The following LRP2BP variants were observed in gnomAD, a reference collection of about 807,000 sequenced individuals.
LRP2BP encodes the protein LRP2 binding protein, also known as LRP2-binding protein.
A neutral mutation model predicts 45.2 loss-of-function variants in LRP2BP; 38 were observed. The ratio of observed to expected loss-of-function variants is 0.84; its 90% CI spans 0.65 to 1.10. The LOEUF is 1.10. LRP2BP is among the 50% of genes least tolerant of loss of function. The pLI, the probability that LRP2BP is intolerant of heterozygous loss-of-function variation, is 0.00. For synonymous variants in LRP2BP, 153 were observed against 153.9 expected (o/e 0.99, Z 0.04); for missense variants, 385 against 418.9 (o/e 0.92, Z 0.71).
chr4:185,368,121 A>T (rs578203037), intron 8 of LRP2BP, among the ~76,000 whole-genome samples: 5 of 152,264 alleles, frequency 3.3e-5, no homozygotes, highest in South Asian at 2.1e-4. Context: ...GAGCTTGCAG[A>T]GAGCCGAGAT....
intron 7 of LRP2BP, 165 bp from the exon 8 acceptor site, chr4:185,370,979 C>G: frequency 1.6e-6 from 1 of 623,286 alleles, no homozygotes; most frequent in Non-Finnish European, 2.7e-6. Context: ...GCACCTCATA[C>G]CAGGAGAAGA....
At chr4:185,394,323 G>C in intron 1 of LRP2BP, among the ~76,000 whole-genome samples, 1 of 141,018 alleles carries the variant, frequency 7.1e-6, no homozygotes. Context: ...ATCTTAGCCT[G>C]AATTGACCAG....
intron 1 of LRP2BP, chr4:185,390,637 GTGAC>G (rs529038377): frequency 2.0e-5 from 3 of 152,168 alleles, no homozygotes; most frequent in Non-Finnish European, 4.4e-5. Flanking sequence ...GTGAGCCCAA[GTGAC>G]TGACATTCTA....
intron 8 of LRP2BP, 25 bp downstream of exon 8, chr4:185,370,615 A>T: frequency 1.2e-6 from 2 of 1,605,352 alleles, no homozygotes; most frequent in Non-Finnish European, 1.7e-6. Flanking sequence ...CTTTGGGTGA[A>T]TTTATATTTT....
intron 1 of LRP2BP, among the ~76,000 whole-genome samples, chr4:185,394,267 A>T (rs939623366): frequency 0.037 from 348 of 9,522 alleles, 1 homozygote; most frequent in African/African-American, 0.068. Flanking sequence ...TCAGAGTTAA[A>T]AAAAAAAAAA....
intron 1 of LRP2BP, chr4:185,390,744 C>T (rs981690913): frequency 5.9e-5 from 9 of 152,268 alleles, no homozygotes; most frequent in African/African-American, 2.2e-4. Flanking sequence ...GACCAAACAG[C>T]TGTGAGAACG....
chr4:185,374,454 C>A lies in LRP2BP; in HGVS notation c.338G>T (p.Gly113Val). The change falls in exon 5 of 9, where the codon GGG (glycine) becomes GTG (valine). Residue 113 changes from glycine to valine, a missense_variant. By Grantham distance (109) the Gly-to-Val change is moderately radical. Coordinates refer to ENST00000505916, the MANE Select transcript of LRP2BP (RefSeq NM_001377440.1). ...GLGTTLDAEK[G>V]VDYMKKILDS... The stretch of plus-strand genomic sequence containing the variant: ...AAGAATTTTCTTCATATAGTCCACC[C>A]CTTTCTCCTTCGACAAAAGAAAGAG... The A allele has an allele frequency of 6.2e-7, 1 of 1,604,854 alleles. No homozygotes were observed.
At chr4:185,397,143 C>A, upstream of LRP2BP, 1 of 1,613,172 alleles carries the variant, frequency 6.2e-7, no homozygotes, top group South Asian at 1.1e-5. Context: ...CTGTTCTCTT[C>A]CTGCAGGTGG....
intron 4 of LRP2BP, among the ~76,000 whole-genome samples, chr4:185,374,734 C>G (rs892978141): frequency 6.6e-6 from 1 of 152,154 alleles, no homozygotes; most frequent in Non-Finnish European, 1.5e-5. Flanking sequence ...TGATTTAAGT[C>G]TCGATATGGG....
Position 185,364,292 on chromosome 4 carries a change from A to C in LRP2BP, c.*2888T>G, listed in dbSNP as rs2095379037. On this transcript the variant is annotated 3_prime_UTR_variant, in exon 9 of 9. Transcript: ENST00000505916. ...ACTTCAGGGGCTCGGTTGTATTATC[A>C]AGCCGTTTAGACCACAGGGACATTA... 2 of 152,202 alleles carry C rather than the reference A, an allele frequency of 1.3e-5. No homozygotes were observed. Among genetic ancestry groups the C allele is most frequent in the South Asian group, 4.1e-4 (2 of 4,820 alleles). 9.4% of individuals were successfully genotyped at this position (152,202 alleles called of 1,614,324 possible).
intron 1 of LRP2BP, chr4:185,378,736 A>C: frequency 1.0e-6 from 1 of 985,740 alleles, no homozygotes; most frequent in Non-Finnish European, 1.2e-6. Flanking sequence ...GTTGAATGGT[A>C]AATCAGTGTC....
rs71638139 is a variant in LRP2BP, at chr4:185,385,912, G to C, written c.-21-7705C>G. On this transcript the variant is annotated intron_variant, in intron 1 of 8. Transcript: ENST00000505916. Reference sequence around the variant, plus strand: ...CAAGACTCTGTCTCGGGGAGGGGGGGGGGGAGATAAAGAAATAACATCATC... The same window carrying C: ...CAAGACTCTGTCTCGGGGAGGGGGGCGGGGAGATAAAGAAATAACATCATC... Among the ~76,000 whole-genome samples, 40 of 22,826 alleles carry C rather than the reference G, an allele frequency of 1.8e-3. 2 individuals are homozygous for C. Among genetic ancestry groups the C allele is most frequent in the African/African-American group, 2.9e-3 (38 of 13,090 alleles). 15.0% of individuals were successfully genotyped at this position (22,826 alleles called of 152,430 possible).
At chr4:185,379,822 C>CTCTCTG (rs2095450272) in intron 1 of LRP2BP, among the ~76,000 whole-genome samples, 1 of 152,026 alleles carries the variant, frequency 6.6e-6, no homozygotes, top group African/African-American at 2.4e-5. Flanking sequence ...TTCTCTCTCT[C>CTCTCTG]TCTCTCTCTC....
intron 8 of LRP2BP, chr4:185,369,656 A>G (rs969639423): frequency 1.6e-5 from 6 of 386,146 alleles, no homozygotes; most frequent in Admixed American, 3.4e-5. Context: ...CTATGTGTCT[A>G]TGTTTATGTT....
intron 1 of LRP2BP, among the ~76,000 whole-genome samples, chr4:185,380,833 CG>C (rs538823877): frequency 6.6e-6 from 1 of 151,926 alleles, no homozygotes; most frequent in South Asian, 2.1e-4. Flanking sequence ...GATTTTCCAT[CG>C]TTTTTTTTCT....
At position 185,366,097 on chromosome 4, in the gene LRP2BP, A is replaced by G. The variant is rs892678672; in HGVS notation, c.*1083T>C. 5.3e-5 allele frequency: 8 copies of G among 152,244 alleles called. No homozygotes were observed. The highest frequency in any genetic ancestry group is 1.9e-4 in the African/African-American group (8 of 41,468). The allele number at this position is 152,244 out of a possible 1,614,324, so 9.4% of individuals were successfully genotyped here. On this transcript the variant is annotated 3_prime_UTR_variant, in exon 9 of 9. Transcript: ENST00000505916. ...CTTTAATATGTTTATAAAAAAAGGA[A>G]TAGTTAAGGTATCTCTGAGACCTGT...
upstream of LRP2BP, chr4:185,397,036 C>T (rs1465098269): frequency 6.2e-7 from 1 of 1,609,642 alleles, no homozygotes; most frequent in African/African-American, 1.3e-5. Context: ...GGGGACGGAC[C>T]ACTGGGCGCT....
In LRP2BP at chr4:185,390,139, G is replaced by A. The variant is rs147187442; in HGVS notation, c.-22+4640C>T. 6.1e-3 allele frequency among the ~76,000 whole-genome samples: 921 copies of A among 152,178 alleles called. 10 individuals are homozygous for A. Among genetic ancestry groups the A allele is most frequent in the African/African-American group, 0.021 (854 of 41,506 alleles). On this transcript the variant is annotated intron_variant, in intron 1 of 8. Transcript: ENST00000505916. Reference sequence around the variant, plus strand: ...CTCATCTACTTCGAAACAAGTTTTCGTAGTGACTTGACTTTGAAAGCATTC... The same window carrying A: ...CTCATCTACTTCGAAACAAGTTTTCATAGTGACTTGACTTTGAAAGCATTC...
chr4:185,391,411 G>A (rs1271463980), intron 1 of LRP2BP, among the ~76,000 whole-genome samples: 2 of 152,182 alleles, frequency 1.3e-5, no homozygotes, highest in African/African-American at 4.8e-5. Context: ...TCAAGAAGGC[G>A]TTGGAGGCGG....
Sources: gnomAD v4.1 joint callset for allele counts (sites outside exome capture counted in the v4.1 genomes callset) on GRCh38, gnomAD v4.1.1 for gene constraint, MANE v1.5 for transcripts, NCBI Gene and HGNC (gene_info 2026-07-23, HGNC 2026-07-21) for gene names.